Variants in MLLT10 observed in about 807,000 individuals in gnomAD.
The protein encoded by MLLT10 is protein AF-10.
MLLT10 carries 30 observed loss-of-function variants against 129.1 expected under a neutral mutation model. That is an observed-to-expected ratio of 0.23 (90% CI 0.17 to 0.32). The LOEUF (loss-of-function observed/expected upper bound fraction) is 0.32. Among genes scored for constraint, MLLT10 ranks in the 10% least tolerant of loss-of-function variants. The pLI, the probability that MLLT10 is intolerant of heterozygous loss-of-function variation, is 1.00. For missense variants in MLLT10, 1,119 were observed against 1,268.3 expected (o/e 0.88, Z 1.79); for synonymous variants, 490 against 446.4 (o/e 1.10, Z -1.23).
At chr10:21,726,211 A>C in intron 14 of MLLT10, 33 bp from the exon 15 acceptor site, 1 of 1,324,060 alleles carries the variant, frequency 7.6e-7, no homozygotes, top group Non-Finnish European at 1.1e-6. Context: ...TTTCACATAT[A>C]ATTCATTTAT....
Position 21,737,694 on chromosome 10 carries a change from C to A in MLLT10, c.2956-2336C>A, listed in dbSNP as rs532071679. On this transcript the variant is annotated intron_variant, in intron 21 of 22. Coordinates refer to ENST00000307729, the MANE Select transcript of MLLT10 (RefSeq NM_001195626.3). ...AGGGGAGAAAGTATGGACCGAGACC[C>A]AAGTGGGATTGTGGCTCAGGTGCAG... is the stretch of plus-strand genomic sequence containing the variant. 2.6e-5 allele frequency among the ~76,000 whole-genome samples: 4 copies of A among 152,122 alleles called. No individual in the cohort carries two copies. The East Asian group carries it at 7.7e-4, about 29-fold the overall frequency.
chr10:21,597,651 C>T (rs2043143747), intron 5 of MLLT10, among the ~76,000 whole-genome samples: 1 of 152,192 alleles, frequency 6.6e-6, no homozygotes, highest in Admixed American at 6.5e-5. Context: ...GGATTACAGG[C>T]GTGAGCCACC....
At chr10:21,605,567 C>T (rs573213073) in intron 5 of MLLT10, among the ~76,000 whole-genome samples, 13 of 152,142 alleles carry the variant, frequency 8.5e-5, no homozygotes, top group Admixed American at 2.6e-4. Flanking sequence ...CGCTCAGCCT[C>T]GCAAGCAGCA....
chr10:21,717,567 CTCTTCCTCTTCTT>C (rs1283253218), intron 14 of MLLT10, among the ~76,000 whole-genome samples: 6 of 104,176 alleles, frequency 5.8e-5, no homozygotes, highest in African/African-American at 1.5e-4. Flanking sequence ...TTCTTTCTTC[CTCTTCCTCTTCTT>C]TCTTCCTCTT....
intron 3 of MLLT10, among the ~76,000 whole-genome samples, chr10:21,560,101 G>A (rs1008573431): frequency 1.3e-5 from 2 of 152,140 alleles, no homozygotes; most frequent in African/African-American, 2.4e-5. Flanking sequence ...CGCCTTCCGG[G>A]TTCAAGTGAT....
chr10:21,669,688 A>G lies in MLLT10; in HGVS notation c.796-761A>G, dbSNP rs557372325. ...ACATGGTGATTAATGTGCATCTGGT[A>G]TAATACACTTTCATGTAGTCATTTT... On this transcript the variant is annotated intron_variant, in intron 9 of 22. Transcript: ENST00000307729. Among the ~76,000 whole-genome samples, 5 of 152,304 alleles carry G rather than the reference A, an allele frequency of 3.3e-5. No individual in the cohort carries two copies. In the South Asian group the frequency reaches 8.3e-4, roughly 25 times the overall value.
intron 13 of MLLT10, among the ~76,000 whole-genome samples, chr10:21,705,862 A>G (rs923565000): frequency 1.3e-5 from 2 of 152,156 alleles, no homozygotes; most frequent in South Asian, 2.1e-4. Flanking sequence ...TGTCAACACA[A>G]TCTCCTCGCA....
In MLLT10 at chr10:21,590,650, T is replaced by G. The variant is rs142656342; in HGVS notation, c.295+4302T>G. On this transcript the variant is annotated intron_variant, in intron 4 of 22. Coordinates refer to ENST00000307729, the MANE Select transcript of MLLT10 (RefSeq NM_001195626.3). Reference sequence around the variant, plus strand: ...CACCACACCCGGCCGCCAGTAGTATTTTATTATTATTTTGTTAATTTTGCT... The same window carrying G: ...CACCACACCCGGCCGCCAGTAGTATGTTATTATTATTTTGTTAATTTTGCT... Among the ~76,000 whole-genome samples, 529 of 152,236 alleles carry G rather than the reference T, an allele frequency of 3.5e-3. 5 individuals are homozygous for G. Among genetic ancestry groups the G allele is most frequent in the African/African-American group, 0.013 (521 of 41,538 alleles).
chr10:21,553,626 G>A (rs1222526662), intron 3 of MLLT10, among the ~76,000 whole-genome samples: 1 of 151,088 alleles, frequency 6.6e-6, no homozygotes, highest in East Asian at 1.9e-4. Flanking sequence ...ACACCCAGCT[G>A]CAATTCTGAT....
chr10:21,537,720 C>G (rs936047344), intron 2 of MLLT10, among the ~76,000 whole-genome samples: 17 of 151,914 alleles, frequency 1.1e-4, no homozygotes, highest in African/African-American at 4.1e-4. Context: ...CCTCCTGCCT[C>G]GGCCTGCCAA....
intron 5 of MLLT10, among the ~76,000 whole-genome samples, chr10:21,609,927 T>C (rs535771329): frequency 1.1e-4 from 17 of 152,282 alleles, no homozygotes; most frequent in African/African-American, 3.6e-4. Flanking sequence ...TTCTCCATTA[T>C]TTTTGACAAA....
intron 14 of MLLT10, among the ~76,000 whole-genome samples, chr10:21,718,481 G>T (rs2056906864): frequency 6.6e-6 from 1 of 152,052 alleles, no homozygotes; most frequent in African/African-American, 2.4e-5. Flanking sequence ...TTTGAAGGAT[G>T]ATTTCTTTAG....
intron 8 of MLLT10, among the ~76,000 whole-genome samples, chr10:21,632,598 A>T (rs2131269873): frequency 6.6e-6 from 1 of 152,340 alleles, no homozygotes. Flanking sequence ...AACAGAATTT[A>T]AAAATCTGGA....
intron 3 of MLLT10, 45 bp from the exon 4 acceptor site, chr10:21,586,249 A>G (rs768580187): frequency 4.9e-6 from 7 of 1,439,324 alleles, no homozygotes; most frequent in Non-Finnish European, 6.6e-6. Context: ...TACATTTTTG[A>G]TAATCTGAAA....
chr10:21,648,279 C>G (rs991069894), intron 8 of MLLT10, among the ~76,000 whole-genome samples: 1 of 152,304 alleles, frequency 6.6e-6, no homozygotes, highest in Admixed American at 6.5e-5. Flanking sequence ...CCAGTGAACA[C>G]TTGTAATGCT....
intron 9 of MLLT10, among the ~76,000 whole-genome samples, chr10:21,662,337 C>T (rs758367399): frequency 2.0e-5 from 3 of 152,100 alleles, no homozygotes; most frequent in Non-Finnish European, 4.4e-5. Context: ...CCTGTATTCC[C>T]ATTTTAACTA....
intron 5 of MLLT10, among the ~76,000 whole-genome samples, chr10:21,599,694 A>G (rs979176894): frequency 2.0e-5 from 3 of 152,086 alleles, no homozygotes; most frequent in African/African-American, 7.2e-5. Context: ...CCCTCTAAGT[A>G]TGTGGGACTA....
At chr10:21,716,697 CAA>C (rs869027358) in intron 14 of MLLT10, among the ~76,000 whole-genome samples, 3 of 125,624 alleles carry the variant, frequency 2.4e-5, no homozygotes, top group Non-Finnish European at 1.7e-5. Context: ...TCTGTCTCCC[CAA>C]AAAAAAAAAA....
chr10:21,573,658 C>T (rs1483986727), intron 3 of MLLT10, among the ~76,000 whole-genome samples: 3 of 151,638 alleles, frequency 2.0e-5, no homozygotes, highest in East Asian at 1.9e-4. Context: ...CCTCCACCTC[C>T]TGGGTTCAAG....
Sources: allele counts gnomAD v4.1 joint callset (sites outside exome capture counted in the v4.1 genomes callset), GRCh38; gene constraint gnomAD v4.1.1; transcripts MANE v1.5; gene names NCBI Gene and HGNC (gene_info 2026-07-23, HGNC 2026-07-21).